The following BRINP3 variants were observed in gnomAD, a reference collection of about 807,000 sequenced individuals.
The protein encoded by BRINP3 is BMP/retinoic acid-inducible neural-specific protein 3.
A neutral mutation model predicts 71.0 loss-of-function variants in BRINP3; 19 were observed. The observed-to-expected ratio is 0.27, with a 90% confidence interval of 0.19 to 0.39. The LOEUF (loss-of-function observed/expected upper bound fraction) is 0.39. BRINP3 is among the 10% of genes least tolerant of loss of function. The pLI, the probability that BRINP3 is intolerant of heterozygous loss-of-function variation, is 1.00. For synonymous variants in BRINP3, 380 were observed against 337.7 expected (o/e 1.13, Z -1.37); for missense variants, 959 against 940.8 (o/e 1.02, Z -0.25).
chr1:190,268,825 A>C (rs959339682), intron 3 of BRINP3, among the ~76,000 whole-genome samples: 5 of 152,158 alleles, frequency 3.3e-5, no homozygotes, highest in Admixed American at 1.3e-4. Flanking sequence ...AATGTGAAAC[A>C]TACATGAAAA....
intron 2 of BRINP3, among the ~76,000 whole-genome samples, chr1:190,431,789 G>T (rs1045087920): frequency 9.2e-5 from 14 of 152,054 alleles, no homozygotes; most frequent in Non-Finnish European, 1.6e-4. Flanking sequence ...TTTTTTTAAA[G>T]AGAATTTTCT....
At chr1:190,327,120 A>C (rs1272529537) in intron 2 of BRINP3, among the ~76,000 whole-genome samples, 2 of 151,538 alleles carry the variant, frequency 1.3e-5, no homozygotes, top group East Asian at 3.9e-4. Context: ...GTTTGAGACC[A>C]GCTTGGCCAA....
intron 6 of BRINP3, among the ~76,000 whole-genome samples, chr1:190,162,302 G>T (rs952511876): frequency 6.6e-6 from 1 of 151,378 alleles, no homozygotes; most frequent in Non-Finnish European, 1.5e-5. Context: ...TCCTGCCTCA[G>T]CCTCCCGAGT....
chr1:190,224,112 T>C (rs943759087), intron 6 of BRINP3, among the ~76,000 whole-genome samples: 3 of 151,696 alleles, frequency 2.0e-5, no homozygotes, highest in Non-Finnish European at 4.4e-5. Flanking sequence ...AACAGTGGCA[T>C]TCTTCACAGA....
rs377527895 is a variant in BRINP3, at chr1:190,376,460, T to A, written c.236+78195A>T. Among the ~76,000 whole-genome samples, 44 of 152,172 alleles carry A rather than the reference T, an allele frequency of 2.9e-4. No homozygotes were observed. The South Asian group carries it at 8.9e-3, about 31-fold the overall frequency. On this transcript the variant is annotated intron_variant, in intron 2 of 7. Coordinates refer to ENST00000367462, the MANE Select transcript of BRINP3 (RefSeq NM_199051.3). ...TATTTATAACTGGTTTTAACAGATA[T>A]CTGTTTGTGTTGTGACTTAGTATGC...
At chr1:190,318,390 C>T (rs940474444) in intron 2 of BRINP3, among the ~76,000 whole-genome samples, 10 of 152,102 alleles carry the variant, frequency 6.6e-5, no homozygotes, top group Non-Finnish European at 1.0e-4. Context: ...ATTTCCCTTT[C>T]ACTTGATTAC....
intron 2 of BRINP3, among the ~76,000 whole-genome samples, chr1:190,315,440 A>G (rs758420915): frequency 1.3e-5 from 2 of 152,152 alleles, no homozygotes; most frequent in Non-Finnish European, 2.9e-5. Flanking sequence ...AGGACTGCAG[A>G]TAACACCAGA....
intron 4 of BRINP3, among the ~76,000 whole-genome samples, chr1:190,258,364 A>G (rs903117138): frequency 3.3e-5 from 5 of 152,192 alleles, no homozygotes; most frequent in African/African-American, 7.2e-5. Context: ...TCCCACCCAA[A>G]TACTGCACTA....
At chr1:190,279,513 C>T (rs551484872) in intron 3 of BRINP3, among the ~76,000 whole-genome samples, 99 of 151,970 alleles carry the variant, frequency 6.5e-4, no homozygotes, top group African/African-American at 2.4e-3. Context: ...AATCAGGATT[C>T]AACAAGGATA....
chr1:190,240,709 A>T (rs978759743), intron 4 of BRINP3, among the ~76,000 whole-genome samples: 2 of 151,730 alleles, frequency 1.3e-5, no homozygotes, highest in Non-Finnish European at 2.9e-5. Context: ...TGTCTCTACT[A>T]AAAATACAAA....
chr1:190,255,652 A>T (rs1297653466), intron 4 of BRINP3, among the ~76,000 whole-genome samples: 2 of 151,114 alleles, frequency 1.3e-5, no homozygotes, highest in African/African-American at 2.4e-5. Flanking sequence ...TTTTTATTGC[A>T]TTTATTTTAT....
intron 2 of BRINP3, among the ~76,000 whole-genome samples, chr1:190,388,365 C>G (rs1671045907): frequency 6.6e-6 from 1 of 151,798 alleles, no homozygotes; most frequent in East Asian, 1.9e-4. Flanking sequence ...GTACCTATGA[C>G]TGTGACCTAA....
chr1:190,300,955 G>C (rs200959240), intron 2 of BRINP3, among the ~76,000 whole-genome samples: 3 of 151,772 alleles, frequency 2.0e-5, no homozygotes, highest in Non-Finnish European at 4.4e-5. Context: ...GAGAGAAGAA[G>C]GCTTCAGATG....
intron 2 of BRINP3, among the ~76,000 whole-genome samples, chr1:190,415,693 G>A (rs1047417745): frequency 6.6e-6 from 1 of 152,086 alleles, no homozygotes; most frequent in African/African-American, 2.4e-5. Context: ...GTGAGGCCAG[G>A]AGTTTGAGAC....
chr1:190,319,406 T>C (rs1420071656), intron 2 of BRINP3, among the ~76,000 whole-genome samples: 1 of 152,158 alleles, frequency 6.6e-6, no homozygotes, highest in Non-Finnish European at 1.5e-5. Flanking sequence ...TTGTTTTAAA[T>C]TACTTCCCTG....
intron 7 of BRINP3, among the ~76,000 whole-genome samples, chr1:190,157,644 C>A (rs929968337): frequency 6.6e-6 from 1 of 151,958 alleles, no homozygotes; most frequent in Non-Finnish European, 1.5e-5. Context: ...AAGCATAAGG[C>A]TCATTATAAT....
rs147284956 is a variant in BRINP3, at chr1:190,348,717, T to C, written c.237-66967A>G. On this transcript the variant is annotated intron_variant, in intron 2 of 7. Coordinates refer to ENST00000367462, the MANE Select transcript of BRINP3 (RefSeq NM_199051.3). ...ACTGCACAGGTGTACTATTAAATTG[T>C]AGGTGCATGTTTAGTTTTTGCCTTC... 1.5e-4 allele frequency among the ~76,000 whole-genome samples: 23 copies of C among 152,290 alleles called. No homozygotes were observed. In the East Asian group the frequency reaches 3.9e-3, roughly 26 times the overall value.
intron 2 of BRINP3, among the ~76,000 whole-genome samples, chr1:190,351,915 G>A (rs1668412756): frequency 6.6e-6 from 1 of 151,942 alleles, no homozygotes; most frequent in African/African-American, 2.4e-5. Context: ...AAGTTCTCTA[G>A]GAAGAGTTAT....
At chr1:190,389,064 G>A (rs1188060811) in intron 2 of BRINP3, among the ~76,000 whole-genome samples, 2 of 151,642 alleles carry the variant, frequency 1.3e-5, no homozygotes, top group African/African-American at 4.8e-5. Context: ...ACTAAGATTA[G>A]AGGAACATTC....
Sources: allele counts gnomAD v4.1 joint callset (sites outside exome capture counted in the v4.1 genomes callset), GRCh38; gene constraint gnomAD v4.1.1; transcripts MANE v1.5; gene names NCBI Gene and HGNC (gene_info 2026-07-23, HGNC 2026-07-21).